Variants in COL24A1 observed in about 807,000 individuals in gnomAD.
COL24A1 encodes collagen alpha-1(XXIV) chain.
A neutral mutation model predicts 253.9 loss-of-function variants in COL24A1; 224 were observed. The ratio of observed to expected loss-of-function variants is 0.88; its 90% CI spans 0.79 to 0.99. COL24A1 has a LOEUF of 0.99. Ranked by LOEUF, COL24A1 falls within the 50% of genes least tolerant of loss-of-function variation. COL24A1 has a pLI of 0.00. For missense variants in COL24A1, 2,131 were observed against 2,068.5 expected (o/e 1.03, Z -0.59); for synonymous variants, 685 against 673.7 (o/e 1.02, Z -0.26).
chr1:86,069,018 C>A (rs576181350), intron 7 of COL24A1, among the ~76,000 whole-genome samples: 2 of 152,216 alleles, frequency 1.3e-5, no homozygotes, highest in South Asian at 4.1e-4. Context: ...AACATGCTGG[C>A]CTTCAGGGGT....
chr1:85,871,953 C>T (rs1021495180), intron 35 of COL24A1, among the ~76,000 whole-genome samples: 80 of 152,280 alleles, frequency 5.3e-4, no homozygotes, highest in Middle Eastern at 3.4e-3. Context: ...AAAACCCCAT[C>T]GTTTCAGCCC....
At chr1:85,827,892 T>C (rs568882306) in intron 43 of COL24A1, among the ~76,000 whole-genome samples, 2 of 152,244 alleles carry the variant, frequency 1.3e-5, no homozygotes, top group Non-Finnish European at 2.9e-5. Context: ...TCATTCATTT[T>C]TTGAAGGGTT....
Position 86,125,717 on chromosome 1 carries a change from T to C in COL24A1, c.619A>G (p.Ser207Gly). Reference protein sequence around the residue: ...FDSNSVFTLGSMNNNSIHFEG... With the variant: ...FDSNSVFTLGGMNNNSIHFEG... ...AAATGGATAGAATTATTATTCATACTTCCTAAAGTAAACACACTATTAGAA... is the reference window on the plus strand; with the variant it reads ...AAATGGATAGAATTATTATTCATACCTCCTAAAGTAAACACACTATTAGAA... Residue 207 changes from serine to glycine, a missense_variant, in exon 3 of 60, where the codon AGT (serine) becomes GGT (glycine). Transcript: ENST00000370571. The C allele has an allele frequency of 6.2e-7, 1 of 1,610,218 alleles. No individual in the cohort carries two copies. The highest frequency in any genetic ancestry group is 1.1e-5 in the South Asian group (1 of 90,600).
chr1:86,128,764 A>G (rs980486082), intron 2 of COL24A1, among the ~76,000 whole-genome samples: 2 of 151,954 alleles, frequency 1.3e-5, no homozygotes, highest in African/African-American at 4.8e-5. Context: ...AATGTGTTTG[A>G]ACACTTATTA....
intron 55 of COL24A1, among the ~76,000 whole-genome samples, chr1:85,747,446 A>C (rs1470354462): frequency 6.6e-6 from 1 of 152,102 alleles, no homozygotes; most frequent in Non-Finnish European, 1.5e-5. Context: ...AGAAACCAAA[A>C]TAAATTTTAA....
intron 19 of COL24A1, among the ~76,000 whole-genome samples, chr1:86,010,318 G>A (rs1049806140): frequency 2.0e-5 from 3 of 152,008 alleles, no homozygotes; most frequent in Admixed American, 6.6e-5. Context: ...AGTTATCAAA[G>A]GTAAAGGGCT....
At chr1:86,110,411 C>T (rs1188907141) in intron 5 of COL24A1, among the ~76,000 whole-genome samples, 1 of 152,028 alleles carries the variant, frequency 6.6e-6, no homozygotes, top group East Asian at 1.9e-4. Flanking sequence ...TGCTAGCAGC[C>T]CTCGCTTGCT....
chr1:85,822,888 C>T (rs1372595494), intron 45 of COL24A1, among the ~76,000 whole-genome samples: 1 of 152,174 alleles, frequency 6.6e-6, no homozygotes, highest in Non-Finnish European at 1.5e-5. Flanking sequence ...GTCTGGTCAC[C>T]TTGGCCTGTC....
intron 19 of COL24A1, among the ~76,000 whole-genome samples, chr1:85,989,040 G>T (rs559279387): frequency 1.3e-5 from 2 of 152,098 alleles, no homozygotes; most frequent in Admixed American, 6.6e-5. Flanking sequence ...TGTATATATG[G>T]CAATTTTTAA....
chr1:86,041,795 T>A (rs1571711036), intron 12 of COL24A1, among the ~76,000 whole-genome samples: 1 of 152,050 alleles, frequency 6.6e-6, no homozygotes, highest in East Asian at 1.9e-4. Flanking sequence ...ACAGTAGTAG[T>A]TCTATGGTGT....
intron 47 of COL24A1, among the ~76,000 whole-genome samples, chr1:85,809,277 C>T (rs984931697): frequency 6.6e-6 from 1 of 152,140 alleles, no homozygotes; most frequent in African/African-American, 2.4e-5. Flanking sequence ...CTCCCATAAT[C>T]CTATTCTTGT....
At chr1:85,877,707 AAAAAG>A (rs1681345908) in intron 32 of COL24A1, among the ~76,000 whole-genome samples, 2 of 152,232 alleles carry the variant, frequency 1.3e-5, no homozygotes, top group Non-Finnish European at 2.9e-5. Context: ...TGCTTATATT[AAAAAG>A]AAAAGAGTGG....
intron 43 of COL24A1, among the ~76,000 whole-genome samples, chr1:85,826,850 A>T (rs1459148364): frequency 1.3e-5 from 2 of 152,224 alleles, no homozygotes; most frequent in Non-Finnish European, 2.9e-5. Flanking sequence ...TTTTCTAGAT[A>T]TACAATCATG....
At chr1:86,079,855 GT>G (rs878951913) in intron 7 of COL24A1, among the ~76,000 whole-genome samples, 1 of 152,122 alleles carries the variant, frequency 6.6e-6, no homozygotes, top group Admixed American at 6.6e-5. Context: ...ATGGAAAACA[GT>G]TTGGAGGTTC....
At chr1:85,790,216 T>A (rs1670118851) in intron 47 of COL24A1, among the ~76,000 whole-genome samples, 1 of 152,206 alleles carries the variant, frequency 6.6e-6, no homozygotes, top group Non-Finnish European at 1.5e-5. Flanking sequence ...TATTTATTAC[T>A]GCCTCAATTT....
intron 4 of COL24A1, among the ~76,000 whole-genome samples, chr1:86,113,084 C>T (rs1705772345): frequency 6.6e-6 from 1 of 152,180 alleles, no homozygotes; most frequent in Admixed American, 6.5e-5. Context: ...AATGGTTACA[C>T]TCGATTAATA....
intron 5 of COL24A1, among the ~76,000 whole-genome samples, chr1:86,097,494 C>G (rs1571906621): frequency 3.1e-5 from 1 of 32,336 alleles, no homozygotes. Flanking sequence ...CTCCTCCCTC[C>G]TCCTCCCTTC....
intron 24 of COL24A1, among the ~76,000 whole-genome samples, chr1:85,943,416 C>T (rs1334489382): frequency 2.6e-5 from 4 of 152,110 alleles, no homozygotes; most frequent in African/African-American, 4.8e-5. Flanking sequence ...TGGTTCTGTC[C>T]CTCTGAAGAA....
At chr1:86,048,134 A>C (rs1346155883) in intron 11 of COL24A1, among the ~76,000 whole-genome samples, 1 of 152,204 alleles carries the variant, frequency 6.6e-6, no homozygotes, top group Non-Finnish European at 1.5e-5. Context: ...AAATCTCATC[A>C]AGAAGCCAAA....
Sources: allele counts gnomAD v4.1 joint callset (sites outside exome capture counted in the v4.1 genomes callset), GRCh38; gene constraint gnomAD v4.1.1; transcripts MANE v1.5; gene names NCBI Gene and HGNC (gene_info 2026-07-23, HGNC 2026-07-21).